The following SLC44A5 variants were observed in gnomAD, a reference collection of about 807,000 sequenced individuals.
SLC44A5 encodes the protein choline transporter-like protein 5.
A neutral mutation model predicts 101.8 loss-of-function variants in SLC44A5; 57 were observed. That is an observed-to-expected ratio of 0.56 (90% CI 0.45 to 0.70). The LOEUF (loss-of-function observed/expected upper bound fraction) is 0.70. Among genes scored for constraint, SLC44A5 ranks in the 30% least tolerant of loss-of-function variants. The pLI, the probability that SLC44A5 is intolerant of heterozygous loss-of-function variation, is 0.00. For missense variants in SLC44A5, 737 were observed against 853.1 expected, an observed-to-expected ratio of 0.86 and a Z score of 1.70; for synonymous variants, 281 against 290.9, an observed-to-expected ratio of 0.97 and a Z score of 0.35.
Position 75,554,051 on chromosome 1 carries a change from T to C in SLC44A5, c.-69-12535A>G, listed in dbSNP as rs537405278. Among the ~76,000 whole-genome samples, 26 of 152,232 alleles carry C rather than the reference T, an allele frequency of 1.7e-4. 1 individual carries two copies. The highest frequency in any genetic ancestry group is 6.3e-4 in the African/African-American group (26 of 41,536). On this transcript the variant is annotated intron_variant, in intron 1 of 23. Transcript: ENST00000370859. ...TTGAGGCCAACGAAATTTGAAGCCGTGTGTAAGAAGCATTTGATAAAAGTG... is the reference window on the plus strand; with the variant it reads ...TTGAGGCCAACGAAATTTGAAGCCGCGTGTAAGAAGCATTTGATAAAAGTG...
intron 5 of SLC44A5, among the ~76,000 whole-genome samples, chr1:75,276,614 A>G (rs1478665494): frequency 6.6e-6 from 1 of 152,154 alleles, no homozygotes; most frequent in Non-Finnish European, 1.5e-5. Context: ...TTGAGAATAT[A>G]AAAGAAGATA....
chr1:75,245,228 C>A (rs941152590), intron 7 of SLC44A5, among the ~76,000 whole-genome samples: 1 of 152,126 alleles, frequency 6.6e-6, no homozygotes, highest in African/African-American at 2.4e-5. Flanking sequence ...AGTCTCTCAT[C>A]CACACGTGTG....
At chr1:75,615,573 T>G (rs1476149667), upstream of SLC44A5, among the ~76,000 whole-genome samples, 1 of 151,166 alleles carries the variant, frequency 6.6e-6, no homozygotes, top group African/African-American at 2.4e-5. Flanking sequence ...GTGCAACAGA[T>G]AGATACCCAA....
intron 1 of SLC44A5, among the ~76,000 whole-genome samples, chr1:75,567,270 C>A (rs531417156): frequency 1.3e-5 from 2 of 152,096 alleles, no homozygotes; most frequent in South Asian, 4.1e-4. Flanking sequence ...ACAGCTCCCC[C>A]ACATAGATGA....
At chr1:75,358,614 T>C (rs903022648) in intron 3 of SLC44A5, among the ~76,000 whole-genome samples, 22 of 152,286 alleles carry the variant, frequency 1.4e-4, no homozygotes, top group African/African-American at 5.3e-4. Context: ...TTAGCAAATT[T>C]CAAATATATA....
chr1:75,271,497 T>TTTTTTTTTTTTTTTGTG (rs1553152601), intron 6 of SLC44A5, among the ~76,000 whole-genome samples: 15 of 146,398 alleles, frequency 1.0e-4, no homozygotes, highest in African/African-American at 3.6e-4. Context: ...TCTGCATGTT[T>TTTTTTTTTTTTTTTGTG]TGTGTGTGTG....
chr1:75,529,501 G>C (rs986311002), intron 2 of SLC44A5, among the ~76,000 whole-genome samples: 1 of 152,102 alleles, frequency 6.6e-6, no homozygotes, highest in African/African-American at 2.4e-5. Flanking sequence ...AATCAGGGTG[G>C]CCCAGTAAAT....
the SLC44A5 span, chr1:75,641,436 T>TA: frequency 8.0e-7 from 1 of 1,257,090 alleles, no homozygotes; most frequent in South Asian, 1.2e-5. Context: ...GCACTACTTC[T>TA]ACTGCCAATC....
chr1:75,502,621 G>C (rs1487769922), intron 2 of SLC44A5, among the ~76,000 whole-genome samples: 1 of 151,892 alleles, frequency 6.6e-6, no homozygotes, highest in African/African-American at 2.4e-5. Flanking sequence ...TGTTACATAT[G>C]TATACATGTG....
intron 2 of SLC44A5, among the ~76,000 whole-genome samples, chr1:75,530,070 A>G (rs11163594): frequency 0.012 from 1,763 of 152,148 alleles, 38 homozygotes; most frequent in African/African-American, 0.04. Context: ...TTTTTTTGAG[A>G]CGGAGTCTTG....
intron 2 of SLC44A5, among the ~76,000 whole-genome samples, chr1:75,537,035 T>TATATATATGA (rs1671090860): frequency 2.3e-5 from 1 of 43,298 alleles, no homozygotes; most frequent in African/African-American, 6.8e-5. Context: ...AAAAAAAAAA[T>TATATATATGA]ATATATCTAT....
At chr1:75,591,145 C>T (rs1395237978) in intron 1 of SLC44A5, among the ~76,000 whole-genome samples, 2 of 152,156 alleles carry the variant, frequency 1.3e-5, no homozygotes, top group African/African-American at 2.4e-5. Flanking sequence ...CCAGAGAATT[C>T]TCCTGAATCT....
intron 2 of SLC44A5, among the ~76,000 whole-genome samples, chr1:75,439,219 C>T (rs1398082919): frequency 6.6e-6 from 1 of 152,070 alleles, no homozygotes; most frequent in Non-Finnish European, 1.5e-5. Flanking sequence ...TGCTCATCTG[C>T]CATGGGATGA....
At chr1:75,431,589 C>T (rs1664614390) in intron 2 of SLC44A5, among the ~76,000 whole-genome samples, 1 of 152,282 alleles carries the variant, frequency 6.6e-6, no homozygotes, top group Non-Finnish European at 1.5e-5. Context: ...ATTTCTTCAG[C>T]ATTTAATAGT....
chr1:75,659,443 G>GGGAGGGAGGGAA, the SLC44A5 span, among the ~76,000 whole-genome samples: 3 of 61,102 alleles, frequency 4.9e-5, no homozygotes, highest in African/African-American at 1.5e-4. Context: ...GAGGGAGGGA[G>GGGAGGGAGGGAA]GGAAGGAAGG....
chr1:75,215,974 A>T (rs1646953845), intron 18 of SLC44A5, 117 bp from the exon 19 acceptor site: 1 of 618,304 alleles, frequency 1.6e-6, no homozygotes, highest in African/African-American at 1.9e-5. Context: ...TATAAAATAT[A>T]CATAATATAA....
chr1:75,656,861 A>AT, the SLC44A5 span, among the ~76,000 whole-genome samples: 1 of 152,194 alleles, frequency 6.6e-6, no homozygotes, highest in African/African-American at 2.4e-5. Context: ...CAATTGAAAG[A>AT]TATATTACCA....
chr1:75,278,758 A>C (rs1652141454), intron 5 of SLC44A5, among the ~76,000 whole-genome samples: 1 of 152,162 alleles, frequency 6.6e-6, no homozygotes, highest in Non-Finnish European at 1.5e-5. Flanking sequence ...TTGAATAGGA[A>C]AATCAAATAC....
the SLC44A5 span, among the ~76,000 whole-genome samples, chr1:75,695,316 T>C: frequency 7.2e-5 from 11 of 152,186 alleles, no homozygotes; most frequent in Admixed American, 5.9e-4. Context: ...ATTTACAAAA[T>C]CAGGTTTCTA....
Sources: allele counts gnomAD v4.1 joint callset (sites outside exome capture counted in the v4.1 genomes callset), GRCh38; gene constraint gnomAD v4.1.1; transcripts MANE v1.5; gene names NCBI Gene and HGNC (gene_info 2026-07-23, HGNC 2026-07-21).